The following FAM149B1 variants were observed in gnomAD, a reference collection of about 807,000 sequenced individuals.
The protein encoded by FAM149B1 is family with sequence similarity 149 member B1.
In FAM149B1, 56 loss-of-function variants were observed where a neutral mutation model predicts 75.3. The observed-to-expected ratio is 0.74, with a 90% confidence interval of 0.60 to 0.93. The LOEUF (loss-of-function observed/expected upper bound fraction) is 0.93, where lower values mean the gene tolerates loss of function less well. Among genes scored for constraint, FAM149B1 ranks in the 40% least tolerant of loss-of-function variants. FAM149B1 has a pLI of 0.00. For synonymous variants in FAM149B1, 259 were observed against 256.1 expected (o/e 1.01, Z -0.11); for missense variants, 639 against 708.4 (o/e 0.90, Z 1.11).
At chr10:73,177,301 C>T (rs886745450) in intron 2 of FAM149B1, among the ~76,000 whole-genome samples, 18 of 151,928 alleles carry the variant, frequency 1.2e-4, no homozygotes, top group African/African-American at 2.7e-4. Context: ...AGGCTGGGTG[C>T]GGTGGCTTAT....
Position 73,239,372 on chromosome 10 carries a change from A to G in FAM149B1, c.1663A>G (p.Arg555Gly). ...VEYPHQARPG[R>G]GSAGPQLHGS... ...GTATCCTCATCAGGCCCGACCTGGC[A>G]GGGGATCTGCAGGTAAAGGTGGGGC... The change falls in exon 13 of 14, where the codon AGG (arginine) becomes GGG (glycine). Residue 555 changes from arginine to glycine, a missense_variant. Arg to Gly is a moderately radical substitution (Grantham distance 125). Transcript: ENST00000242505. 1 of 1,551,530 alleles carries G rather than the reference A, an allele frequency of 6.4e-7. No individual in the cohort carries two copies. Among genetic ancestry groups the G allele is most frequent in the Non-Finnish European group, 8.7e-7 (1 of 1,146,852 alleles).
intron 8 of FAM149B1, among the ~76,000 whole-genome samples, chr10:73,229,631 A>C (rs1248210602): frequency 6.6e-6 from 1 of 152,206 alleles, no homozygotes; most frequent in African/African-American, 2.4e-5. Flanking sequence ...GGGATGAACC[A>C]GGTAAATTAA....
At chr10:73,170,378 C>A (rs370103578) in intron 1 of FAM149B1, among the ~76,000 whole-genome samples, 3 of 152,042 alleles carry the variant, frequency 2.0e-5, no homozygotes, top group East Asian at 3.9e-4. Context: ...GTGGCACATG[C>A]CTGTAATCTC....
At chr10:73,179,727 G>C (rs555037611) in intron 3 of FAM149B1, among the ~76,000 whole-genome samples, 2 of 151,960 alleles carry the variant, frequency 1.3e-5, no homozygotes, top group South Asian at 4.1e-4. Context: ...CCTGCTAATT[G>C]TTAAAACCTA....
At position 73,239,379 on chromosome 10, in the gene FAM149B1, C is replaced by T; in HGVS notation, c.1670C>T (p.Ser557Phe). 1 of 1,551,364 alleles carries T rather than the reference C, an allele frequency of 6.4e-7. No individual in the cohort carries two copies. The highest frequency in any genetic ancestry group is 1.2e-5 in the South Asian group (1 of 84,050). The stretch of plus-strand genomic sequence containing the variant: ...CATCAGGCCCGACCTGGCAGGGGAT[C>T]TGCAGGTAAAGGTGGGGCCATGGCC... Reference protein sequence around the residue: ...YPHQARPGRGSAGPQLHGSTK... With the variant: ...YPHQARPGRGFAGPQLHGSTK... The change falls in exon 13 of 14, where the codon TCT (serine) becomes TTT (phenylalanine). Residue 557 changes from serine to phenylalanine, a missense_variant. Coordinates refer to ENST00000242505, the MANE Select transcript of FAM149B1 (RefSeq NM_173348.2).
chr10:73,221,995 C>G (rs1196415611), intron 7 of FAM149B1, among the ~76,000 whole-genome samples: 1 of 151,846 alleles, frequency 6.6e-6, no homozygotes, highest in Non-Finnish European at 1.5e-5. Flanking sequence ...ATATATTTTC[C>G]ATGTCTCTAT....
At position 73,210,403 on chromosome 10, in the gene FAM149B1, A is replaced by C; in HGVS notation, c.863A>C (p.Gln288Pro). 6.5e-7 allele frequency: 1 copy of C among 1,546,138 alleles called. No individual in the cohort carries two copies. Among genetic ancestry groups the C allele is most frequent in the Non-Finnish European group, 8.7e-7 (1 of 1,145,102 alleles). Residue 288 changes from glutamine (Q) to proline (P), a missense_variant, in exon 7 of 14, where the codon CAG becomes CCG. Coordinates refer to ENST00000242505, the MANE Select transcript of FAM149B1 (RefSeq NM_173348.2). ...VWCKVVSCMEQLTRSHWEGFA... is the reference protein window; with the variant it reads ...VWCKVVSCMEPLTRSHWEGFA... The stretch of plus-strand genomic sequence containing the variant: ...TGCAAGGTTGTGAGCTGTATGGAGC[A>C]GTTGACACGTAGTCACTGGGAAGGA...
chr10:73,233,083 A>G lies in FAM149B1; in HGVS notation c.1272A>G (p.Arg424=). The G allele has an allele frequency of 6.4e-7, 1 of 1,551,664 alleles. No homozygotes were observed. Among genetic ancestry groups the G allele is most frequent in the Non-Finnish European group, 8.7e-7 (1 of 1,146,988 alleles). The change falls in exon 10 of 14, where the codon CGA becomes CGG. Residue 424 remains arginine (R), a synonymous_variant. Transcript: ENST00000242505. ...CCAGGAGACGCAATCCACCACCACG[A>G]ACTCTTCATCCGATCAGCACGAGCC... ...QSTRRRNPPP[R]TLHPISTSHS... is the part of the protein sequence containing the mutation.
In FAM149B1 at chr10:73,176,786, G is replaced by A. The variant is rs563030085; in HGVS notation, c.153-1060G>A. 1.5e-4 allele frequency among the ~76,000 whole-genome samples: 23 copies of A among 152,268 alleles called. No homozygotes were observed. In the South Asian group the frequency reaches 4.8e-3, roughly 32 times the overall value. ...TCATGCCTGTAGTCCCAGCACTTTG[G>A]GAGGCCGATGTAGGCGGATCACTTG... On this transcript the variant is annotated intron_variant, in intron 2 of 13. Coordinates refer to ENST00000242505, the MANE Select transcript of FAM149B1 (RefSeq NM_173348.2).
intron 12 of FAM149B1, chr10:73,239,083 GTAA>G (rs1358503038): frequency 2.1e-6 from 1 of 468,362 alleles, no homozygotes; most frequent in African/African-American, 2.0e-5. Context: ...TAACGGCATA[GTAA>G]TAATATTGAA....
intron 1 of FAM149B1, among the ~76,000 whole-genome samples, chr10:73,174,055 T>C (rs1432498773): frequency 6.6e-6 from 1 of 152,242 alleles, no homozygotes; most frequent in African/African-American, 2.4e-5. Flanking sequence ...TGTGGAAATA[T>C]CAATGTTAAA....
intron 7 of FAM149B1, among the ~76,000 whole-genome samples, chr10:73,212,592 TATA>T (rs1158329276): frequency 6.6e-6 from 1 of 152,010 alleles, no homozygotes; most frequent in Admixed American, 6.6e-5. Context: ...ATTTTTTTGA[TATA>T]ATGATTTCTT....
At position 73,211,932 on chromosome 10, in the gene FAM149B1, A is replaced by G. The variant is rs1168589796; in HGVS notation, c.898+1494A>G. ...ATTGTGCTCAATAGGTAATTTTTCA[A>G]ACCTTGCCTCCCTCCCACCTTCCCA... On this transcript the variant is annotated intron_variant, in intron 7 of 13. Transcript: ENST00000242505. Among the ~76,000 whole-genome samples the G allele has an allele frequency of 3.3e-5, 5 of 152,056 alleles. No homozygotes were observed. In the East Asian group the frequency reaches 9.6e-4, roughly 29 times the overall value.
rs1415379161 is a variant in FAM149B1 at position 73,210,243 on chromosome 10, T to A, written c.711-8T>A. The A allele has an allele frequency of 5.2e-6, 8 of 1,546,502 alleles. No homozygotes were observed. Among genetic ancestry groups the A allele is most frequent in the Non-Finnish European group, 7.0e-6 (8 of 1,143,336 alleles). On this transcript the variant is annotated splice_polypyrimidine_tract_variant and splice_region_variant and intron_variant, in intron 6 of 13. Transcript: ENST00000242505. The stretch of plus-strand genomic sequence containing the variant: ...TCATGAAGTCTTTCCTTCTTGCTTC[T>A]GTTACAGAGAAGAGGGATTTCATGG...
At chr10:73,221,197 C>T (rs1564707389) in intron 7 of FAM149B1, among the ~76,000 whole-genome samples, 1 of 152,052 alleles carries the variant, frequency 6.6e-6, no homozygotes, top group East Asian at 1.9e-4. Flanking sequence ...GTAATGATTG[C>T]ACAACATTGT....
At chr10:73,187,866 TGA>T (rs2042569039) in intron 3 of FAM149B1, among the ~76,000 whole-genome samples, 1 of 152,150 alleles carries the variant, frequency 6.6e-6, no homozygotes, top group African/African-American at 2.4e-5. Context: ...GTGAATCACC[TGA>T]GGTCAGGAGT....
intron 13 of FAM149B1, among the ~76,000 whole-genome samples, chr10:73,240,272 A>G (rs951447447): frequency 6.6e-6 from 1 of 152,348 alleles, no homozygotes; most frequent in Non-Finnish European, 1.5e-5. Flanking sequence ...AACTATGGTA[A>G]AAAACTAGTC....
At chr10:73,226,275 G>A (rs1373687240) in intron 7 of FAM149B1, among the ~76,000 whole-genome samples, 1 of 152,066 alleles carries the variant, frequency 6.6e-6, no homozygotes, top group African/African-American at 2.4e-5. Context: ...GGAAGGCCGA[G>A]GCGGGTGGAT....
chr10:73,181,656 G>GACCT (rs2042400055), intron 3 of FAM149B1, among the ~76,000 whole-genome samples: 1 of 152,294 alleles, frequency 6.6e-6, no homozygotes, highest in Non-Finnish European at 1.5e-5. Flanking sequence ...CTTGTGTTGT[G>GACCT]ACCTAACATA....
Sources: gnomAD v4.1 joint callset for allele counts (sites outside exome capture counted in the v4.1 genomes callset) on GRCh38, gnomAD v4.1.1 for gene constraint, MANE v1.5 for transcripts, NCBI Gene and HGNC (gene_info 2026-07-23, HGNC 2026-07-21) for gene names.